The following CACNA2D3 variants were observed in gnomAD, a reference collection of about 807,000 sequenced individuals.
CACNA2D3 encodes calcium voltage-gated channel auxiliary subunit alpha2delta 3, also known as voltage-dependent calcium channel subunit alpha-2/delta-3.
Under a neutral mutation model 160.6 loss-of-function variants are expected in CACNA2D3, and 60 were observed. The observed-to-expected ratio is 0.37, with a 90% CI of 0.30 to 0.46. CACNA2D3 has a LOEUF of 0.46. CACNA2D3 is among the 20% of genes least tolerant of loss of function. CACNA2D3 has a pLI of 1.00. For missense variants in CACNA2D3, 1,205 were observed against 1,365.0 expected (o/e 0.88, Z 1.85); for synonymous variants, 558 against 492.9 (o/e 1.13, Z -1.75).
chr3:54,771,931 C>T (rs532820695), intron 13 of CACNA2D3, among the ~76,000 whole-genome samples: 2 of 152,172 alleles, frequency 1.3e-5, no homozygotes, highest in East Asian at 3.9e-4. Context: ...GCAACCATAT[C>T]TCCTGCAAAC....
intron 2 of CACNA2D3, among the ~76,000 whole-genome samples, chr3:54,246,789 T>A (rs569269788): frequency 3.3e-5 from 5 of 152,164 alleles, no homozygotes; most frequent in African/African-American, 1.2e-4. Context: ...TAAATTTTTT[T>A]AACACTGCAT....
At chr3:54,574,360 G>A (rs964482832) in intron 8 of CACNA2D3, among the ~76,000 whole-genome samples, 2 of 151,940 alleles carry the variant, frequency 1.3e-5, no homozygotes, top group Non-Finnish European at 2.9e-5. Context: ...TTCGTCTTTC[G>A]GTTTTGCAGG....
At chr3:54,315,043 A>G (rs994508033) in intron 2 of CACNA2D3, among the ~76,000 whole-genome samples, 6 of 152,274 alleles carry the variant, frequency 3.9e-5, no homozygotes, top group Non-Finnish European at 8.8e-5. Context: ...TAGAAAATAA[A>G]AAGGCCCATT....
intron 4 of CACNA2D3, among the ~76,000 whole-genome samples, chr3:54,440,780 T>G (rs1035848219): frequency 2.6e-5 from 4 of 152,132 alleles, no homozygotes; most frequent in Non-Finnish European, 4.4e-5. Flanking sequence ...AATGATGGTT[T>G]CCAGCTTCAT....
At chr3:54,803,859 G>C (rs1053113848) in intron 13 of CACNA2D3, among the ~76,000 whole-genome samples, 1 of 152,068 alleles carries the variant, frequency 6.6e-6, no homozygotes, top group Non-Finnish European at 1.5e-5. Flanking sequence ...CGGATCTCTC[G>C]GCAGAAACTC....
At chr3:54,937,483 C>G (rs1481642212) in intron 27 of CACNA2D3, among the ~76,000 whole-genome samples, 1 of 152,182 alleles carries the variant, frequency 6.6e-6, no homozygotes, top group Non-Finnish European at 1.5e-5. Context: ...GTTTCACATT[C>G]CATAAATTAT....
At chr3:54,643,735 A>G (rs987424436) in intron 11 of CACNA2D3, among the ~76,000 whole-genome samples, 1 of 152,066 alleles carries the variant, frequency 6.6e-6, no homozygotes, top group Non-Finnish European at 1.5e-5. Flanking sequence ...ACACAGTTGC[A>G]CCTCTGTAGC....
intron 11 of CACNA2D3, among the ~76,000 whole-genome samples, chr3:54,705,785 C>T (rs1022458353): frequency 2.6e-5 from 4 of 152,178 alleles, no homozygotes; most frequent in Non-Finnish European, 4.4e-5. Context: ...TGTGCTGATC[C>T]TAACTTAATG....
At chr3:54,841,582 C>T (rs1053822874) in intron 16 of CACNA2D3, among the ~76,000 whole-genome samples, 1 of 152,324 alleles carries the variant, frequency 6.6e-6, no homozygotes, top group Admixed American at 6.5e-5. Context: ...TCAGGTCACA[C>T]CTTGCCCTCC....
At chr3:54,381,661 ATGT>A (rs1699104944) in intron 3 of CACNA2D3, among the ~76,000 whole-genome samples, 1 of 152,182 alleles carries the variant, frequency 6.6e-6, no homozygotes, top group African/African-American at 2.4e-5. Flanking sequence ...GCATTCTGTA[ATGT>A]TGTGCGGATA....
intron 2 of CACNA2D3, among the ~76,000 whole-genome samples, chr3:54,237,228 C>G (rs1312473482): frequency 6.6e-6 from 1 of 152,084 alleles, no homozygotes; most frequent in Non-Finnish European, 1.5e-5. Context: ...ATGTCTCTTT[C>G]AAGCTGCTCA....
chr3:54,162,509 C>T (rs1700365264), intron 2 of CACNA2D3, among the ~76,000 whole-genome samples: 1 of 152,042 alleles, frequency 6.6e-6, no homozygotes, highest in Non-Finnish European at 1.5e-5. Flanking sequence ...AGCAAGCATC[C>T]CTAGAGAACA....
intron 8 of CACNA2D3, among the ~76,000 whole-genome samples, chr3:54,573,912 T>C (rs1481821532): frequency 6.6e-6 from 1 of 152,186 alleles, no homozygotes; most frequent in Non-Finnish European, 1.5e-5. Context: ...ACATAATTGC[T>C]CTAGTAATAT....
intron 5 of CACNA2D3, among the ~76,000 whole-genome samples, chr3:54,509,388 C>G (rs1701423412): frequency 6.6e-6 from 1 of 152,098 alleles, no homozygotes; most frequent in East Asian, 1.9e-4. Context: ...GAAACAAATT[C>G]CAACTTGAAA....
At chr3:54,958,940 C>A (rs780714041) in intron 27 of CACNA2D3, among the ~76,000 whole-genome samples, 1 of 151,880 alleles carries the variant, frequency 6.6e-6, no homozygotes, top group Admixed American at 6.6e-5. Flanking sequence ...CCTGTCTCTA[C>A]AAAAAACACA....
chr3:54,173,860 A>G (rs1050159651), intron 2 of CACNA2D3, among the ~76,000 whole-genome samples: 7 of 152,318 alleles, frequency 4.6e-5, no homozygotes, highest in African/African-American at 1.2e-4. Flanking sequence ...TCCTAAGCTT[A>G]TAGAGTGTCA....
intron 27 of CACNA2D3, among the ~76,000 whole-genome samples, chr3:54,926,144 A>G (rs1701008537): frequency 6.6e-6 from 1 of 152,164 alleles, no homozygotes; most frequent in Non-Finnish European, 1.5e-5. Flanking sequence ...TTACTGATGT[A>G]TCCCTCCAGA....
At chr3:54,210,657 G>A (rs1701356466) in intron 2 of CACNA2D3, among the ~76,000 whole-genome samples, 1 of 152,142 alleles carries the variant, frequency 6.6e-6, no homozygotes, top group African/African-American at 2.4e-5. Context: ...GGAGGGAAGT[G>A]TCCTGGGATT....
At chr3:54,191,403 TCATCA>T (rs1007353307) in intron 2 of CACNA2D3, among the ~76,000 whole-genome samples, 1 of 91,066 alleles carries the variant, frequency 1.1e-5, no homozygotes, top group Admixed American at 1.2e-4. Flanking sequence ...ATCAACATCA[TCATCA>T]TCATCATCAT....
Sources: gnomAD v4.1 joint callset for allele counts (sites outside exome capture counted in the v4.1 genomes callset) on GRCh38, gnomAD v4.1.1 for gene constraint, MANE v1.5 for transcripts, NCBI Gene and HGNC (gene_info 2026-07-23, HGNC 2026-07-21) for gene names.